AXDND1: variants seen among roughly 807,000 people sequenced by gnomAD.
AXDND1 encodes the protein axonemal dynein light chain domain containing 1.
AXDND1 carries 110 observed loss-of-function variants against 137.5 expected under a neutral mutation model. The ratio of observed to expected loss-of-function variants is 0.80; its 90% CI spans 0.69 to 0.94. The LOEUF is 0.94. AXDND1 is among the 40% of genes least tolerant of loss of function. AXDND1 has a pLI of 0.00. For missense variants in AXDND1, 1,191 were observed against 1,169.8 expected, an observed-to-expected ratio of 1.02 and a Z score of -0.26; for synonymous variants, 414 against 399.7, an observed-to-expected ratio of 1.04 and a Z score of -0.43.
chr1:179,435,128 C>T lies in AXDND1; in HGVS notation c.1563+2786C>T, dbSNP rs527289238. Reference sequence around the variant, plus strand: ...GAGAATAAAATACCTAGGAATACAGCCAATAAGGGATGCGAAGGACCTCTT... The same window carrying T: ...GAGAATAAAATACCTAGGAATACAGTCAATAAGGGATGCGAAGGACCTCTT... On this transcript the variant is annotated intron_variant, in intron 15 of 25. Transcript: ENST00000367618. Among the ~76,000 whole-genome samples the T allele has an allele frequency of 3.9e-5, 6 of 152,142 alleles. No individual in the cohort carries two copies. The East Asian group carries it at 1.2e-3, about 29-fold the overall frequency.
intron 18 of AXDND1, among the ~76,000 whole-genome samples, chr1:179,489,064 C>T (rs1490072336): frequency 6.7e-6 from 1 of 148,828 alleles, no homozygotes; most frequent in Non-Finnish European, 1.5e-5. Context: ...TAAGAAGTGG[C>T]TAATTACTCA....
intron 8 of AXDND1, 92 bp downstream of exon 8, chr1:179,383,636 T>C (rs887860332): frequency 1.1e-6 from 1 of 896,204 alleles, no homozygotes; most frequent in African/African-American, 1.7e-5. Context: ...GCCATATATT[T>C]ACTAATGGCC....
At chr1:179,416,166 C>T (rs1019655135) in intron 12 of AXDND1, among the ~76,000 whole-genome samples, 9 of 152,146 alleles carry the variant, frequency 5.9e-5, no homozygotes, top group Admixed American at 5.9e-4. Flanking sequence ...CTTTTAGCTC[C>T]CACATGTGGA....
intron 15 of AXDND1, among the ~76,000 whole-genome samples, chr1:179,439,235 C>T (rs577348322): frequency 5.9e-5 from 9 of 152,108 alleles, no homozygotes; most frequent in East Asian, 5.8e-4. Flanking sequence ...ACAATTAGGG[C>T]GACTGGGCCA....
intron 25 of AXDND1, among the ~76,000 whole-genome samples, chr1:179,540,920 C>G (rs1672073337): frequency 6.6e-6 from 1 of 152,202 alleles, no homozygotes; most frequent in Admixed American, 6.5e-5. Context: ...GTTGGCCTCA[C>G]TGCTGCAGTA....
At chr1:179,536,124 C>T (rs1176845606) in intron 25 of AXDND1, among the ~76,000 whole-genome samples, 1 of 152,010 alleles carries the variant, frequency 6.6e-6, no homozygotes, top group Non-Finnish European at 1.5e-5. Context: ...GGATATTAGC[C>T]CTTTGTCAGA....
rs1410666141 is a variant in AXDND1 at position 179,525,345 on chromosome 1, A to G, written c.2508A>G (p.Lys836=). Residue 836 remains lysine, a synonymous_variant, in exon 22 of 26, where the codon AAA becomes AAG. Coordinates refer to ENST00000367618, the MANE Select transcript of AXDND1 (RefSeq NM_144696.6). ...IERLLEEEAV[K]EFIEPEIDES... ...GGTTCATCTCACAGGAGGCTGTAAA[A>G]GAATTCATTGAGCCTGAAATAGACG... 6.2e-7 allele frequency: 1 copy of G among 1,611,000 alleles called. No homozygotes were observed. Among genetic ancestry groups the G allele is most frequent in the Non-Finnish European group, 8.5e-7 (1 of 1,178,282 alleles).
At chr1:179,418,710 C>T (rs1410068627) in intron 12 of AXDND1, among the ~76,000 whole-genome samples, 73 of 150,092 alleles carry the variant, frequency 4.9e-4, no homozygotes, top group African/African-American at 1.4e-3. Flanking sequence ...GCTGGCCGGG[C>T]GGGGGGCTGA....
At chr1:179,551,896 C>T (rs139490335) in intron 25 of AXDND1, 266 of 197,358 alleles carry the variant, frequency 1.3e-3, no homozygotes, top group African/African-American at 5.6e-3. Context: ...GGACTTCACT[C>T]AGAGATCTAG....
chr1:179,425,940 G>A (rs537593768), intron 12 of AXDND1, among the ~76,000 whole-genome samples: 10 of 150,478 alleles, frequency 6.6e-5, no homozygotes, highest in African/African-American at 2.4e-4. Context: ...GGGTTCAAGC[G>A]ATTCTCCTGC....
chr1:179,553,346 G>A (rs972185549), intron 25 of AXDND1, among the ~76,000 whole-genome samples: 3 of 152,186 alleles, frequency 2.0e-5, no homozygotes, highest in African/African-American at 7.2e-5. Flanking sequence ...CCAAAAAGCA[G>A]AAACAACCTA....
chr1:179,553,270 A>G (rs1350927269), intron 25 of AXDND1, among the ~76,000 whole-genome samples: 1 of 152,268 alleles, frequency 6.6e-6, no homozygotes, highest in African/African-American at 2.4e-5. Flanking sequence ...CAGACCCAAG[A>G]TAATTGAAAA....
At chr1:179,550,322 T>C (rs1374945057) in intron 25 of AXDND1, among the ~76,000 whole-genome samples, 1 of 152,122 alleles carries the variant, frequency 6.6e-6, no homozygotes, top group South Asian at 2.1e-4. Context: ...TTAAGAAATA[T>C]CTGTATAAGA....
chr1:179,541,559 G>A (rs911245608), intron 25 of AXDND1, among the ~76,000 whole-genome samples: 6 of 151,514 alleles, frequency 4.0e-5, no homozygotes, highest in Non-Finnish European at 8.8e-5. Flanking sequence ...TAATACTTGT[G>A]AGTAGACAAA....
intron 16 of AXDND1, among the ~76,000 whole-genome samples, chr1:179,446,623 G>C (rs1007285249): frequency 6.6e-6 from 1 of 152,198 alleles, no homozygotes; most frequent in Non-Finnish European, 1.5e-5. Context: ...GAGTCCATTA[G>C]TAGCTAGGTC....
chr1:179,458,623 C>T (rs181726249), intron 16 of AXDND1, among the ~76,000 whole-genome samples: 42 of 151,992 alleles, frequency 2.8e-4, no homozygotes, highest in Non-Finnish European at 3.2e-4. Context: ...CAGCATAATA[C>T]ATTTCATAAA....
At chr1:179,388,419 G>A (rs1455354348) in intron 9 of AXDND1, among the ~76,000 whole-genome samples, 1 of 152,092 alleles carries the variant, frequency 6.6e-6, no homozygotes, top group African/African-American at 2.4e-5. Flanking sequence ...TTAGATATAT[G>A]TTAGATATTC....
intron 25 of AXDND1, 157 bp downstream of exon 25, chr1:179,535,119 C>CA: frequency 9.1e-7 from 1 of 1,098,030 alleles, no homozygotes. Flanking sequence ...ACATAACCAT[C>CA]TTATTCGGAC....
intron 14 of AXDND1, among the ~76,000 whole-genome samples, 163 bp from the exon 15 acceptor site, chr1:179,432,104 A>G (rs1320146075): frequency 6.6e-6 from 1 of 152,218 alleles, no homozygotes. Context: ...ATGTTTACAA[A>G]TTTAATGATA....
Sources: gnomAD v4.1 joint callset for allele counts (sites outside exome capture counted in the v4.1 genomes callset) on GRCh38, gnomAD v4.1.1 for gene constraint, MANE v1.5 for transcripts, NCBI Gene and HGNC (gene_info 2026-07-23, HGNC 2026-07-21) for gene names.